The following MAPT variants were observed in gnomAD, a reference collection of about 807,000 sequenced individuals.
The protein encoded by MAPT is microtubule associated protein tau.
Under a neutral mutation model 67.9 loss-of-function variants are expected in MAPT, and 34 were observed. That is an observed-to-expected ratio of 0.50 (90% CI 0.38 to 0.67). The LOEUF (loss-of-function observed/expected upper bound fraction) is 0.67. Ranked by LOEUF, MAPT falls within the 30% of genes least tolerant of loss-of-function variation. MAPT has a pLI of 0.00. For synonymous variants in MAPT, 456 were observed against 464.5 expected (o/e 0.98, Z 0.23); for missense variants, 881 against 1,115.2 (o/e 0.79, Z 2.99).
intron 12 of MAPT, among the ~76,000 whole-genome samples, chr17:46,021,475 A>C (rs2076526943): frequency 6.6e-6 from 1 of 152,154 alleles, no homozygotes; most frequent in South Asian, 2.1e-4. Context: ...AGTCTGACTG[A>C]GTGGGTCTGG....
At chr17:45,929,888 A>C (rs191914834) in intron 1 of MAPT, among the ~76,000 whole-genome samples, 1 of 152,272 alleles carries the variant, frequency 6.6e-6, no homozygotes, top group East Asian at 1.9e-4. Flanking sequence ...CTGTTAGTGG[A>C]TCCCTGAAGT....
Position 45,983,505 on chromosome 17 carries a change from C to T in MAPT, c.926C>T (p.Pro309Leu). Residue 309 changes from proline to leucine, a missense_variant, in exon 5 of 13, where the codon CCC (proline) becomes CTC (leucine). By Grantham distance (98) the Pro-to-Leu change is moderately conservative (BLOSUM62 -3). Around this residue, in one of 6 missense-constraint regions of MAPT, gnomAD observed 687 missense variants for 766.1 expected, o/e 0.90. Coordinates refer to ENST00000262410, the MANE Select transcript of MAPT (RefSeq NM_001377265.1). ...VDESSPQDSP[P>L]SKASPAQDGR... is the part of the protein sequence containing the mutation. The stretch of plus-strand genomic sequence containing the variant: ...GAGTCCTCCCCCCAAGACTCCCCTC[C>T]CTCCAAGGCCTCCCCAGCCCAAGAT... The T allele has an allele frequency of 1.9e-6, 3 of 1,612,460 alleles. No homozygotes were observed. Among genetic ancestry groups the T allele is most frequent in the Non-Finnish European group, 2.5e-6 (3 of 1,179,610 alleles).
At chr17:45,952,025 G>A (rs1394952871) in intron 1 of MAPT, among the ~76,000 whole-genome samples, 4 of 152,234 alleles carry the variant, frequency 2.6e-5, no homozygotes, top group African/African-American at 9.6e-5. Context: ...ATCGCTTCTC[G>A]GCCTTTTGGC....
intron 10 of MAPT, among the ~76,000 whole-genome samples, chr17:46,013,043 C>A (rs1041216094): frequency 6.6e-6 from 1 of 152,204 alleles, no homozygotes; most frequent in Non-Finnish European, 1.5e-5. Context: ...CAAAATAATT[C>A]GGGATGGTTC....
intron 1 of MAPT, among the ~76,000 whole-genome samples, chr17:45,899,410 G>T (rs1414722549): frequency 1.3e-5 from 2 of 152,200 alleles, no homozygotes; most frequent in African/African-American, 4.8e-5. Context: ...CTAAGTGCTT[G>T]CTAAGATTAT....
chr17:45,992,782 T>C (rs894223787), intron 8 of MAPT, among the ~76,000 whole-genome samples: 1 of 151,422 alleles, frequency 6.6e-6, no homozygotes, highest in Non-Finnish European at 1.5e-5. Flanking sequence ...TCCCAGCTTC[T>C]CAGGAGGGTG....
At chr17:45,931,595 C>T (rs10221276) in intron 1 of MAPT, among the ~76,000 whole-genome samples, 2,005 of 152,188 alleles carry the variant, frequency 0.013, 44 homozygotes, top group African/African-American at 0.046. Flanking sequence ...TGTATTGTAC[C>T]ATTGATGTAC....
intron 1 of MAPT, among the ~76,000 whole-genome samples, chr17:45,952,749 C>T (rs17650579): frequency 0.14 from 21,814 of 152,088 alleles, 2,131 homozygotes; most frequent in Non-Finnish European, 0.22. Flanking sequence ...ATGGTTTGGG[C>T]GGCAAAGAAC....
chr17:45,950,308 C>T lies in MAPT; in HGVS notation c.-17-12013C>T, dbSNP rs561530168. On this transcript the variant is annotated intron_variant, in intron 1 of 12. Coordinates refer to ENST00000262410, the MANE Select transcript of MAPT (RefSeq NM_001377265.1). ...GGTGGGCGAGATGCCTGGGGTTTCT[C>T]GTCCACCCCACAACACCTCAGGGGA... Among the ~76,000 whole-genome samples, 8 of 152,290 alleles carry T rather than the reference C, an allele frequency of 5.3e-5. No individual in the cohort carries two copies. In the South Asian group the frequency reaches 1.7e-3, roughly 32 times the overall value.
chr17:45,929,295 G>A (rs971924800), intron 1 of MAPT, among the ~76,000 whole-genome samples: 1 of 152,218 alleles, frequency 6.6e-6, no homozygotes, highest in African/African-American at 2.4e-5. Context: ...CATTACACAG[G>A]CAAGGAAAAG....
intron 12 of MAPT, among the ~76,000 whole-genome samples, chr17:46,019,784 G>A (rs1458778903): frequency 1.3e-5 from 2 of 151,456 alleles, no homozygotes; most frequent in East Asian, 4.0e-4. Flanking sequence ...GGCGAAGGTG[G>A]GCAGATGGCT....
intron 1 of MAPT, among the ~76,000 whole-genome samples, chr17:45,903,918 TTTA>T (rs1157072529): frequency 0.11 from 3,108 of 29,150 alleles, 476 homozygotes; most frequent in African/African-American, 0.16. Flanking sequence ...ATATTATATA[TTTA>T]TATATATTAT....
chr17:45,989,467 A>G (rs573435087), intron 6 of MAPT, among the ~76,000 whole-genome samples: 1 of 151,832 alleles, frequency 6.6e-6, no homozygotes, highest in Non-Finnish European at 1.5e-5. Flanking sequence ...TGGCTAACAC[A>G]GTGAAACCCC....
intron 9 of MAPT, among the ~76,000 whole-genome samples, chr17:46,001,526 G>A (rs62064661): frequency 0.14 from 22,057 of 152,230 alleles, 2,140 homozygotes; most frequent in Non-Finnish European, 0.22. Context: ...GGCTGGGCGC[G>A]GTGGCGCATG....
chr17:45,989,906 TG>T lies in MAPT; in HGVS notation c.1437del (p.Asn481IlefsTer18). Reference sequence around the variant, plus strand: ...TCCACACGTTCCTCTGCTAAAACCTTGAAAAATAGGCCTTGCCTTAGCCCCA... The same window carrying T: ...TCCACACGTTCCTCTGCTAAAACCTTAAAAATAGGCCTTGCCTTAGCCCCA... ...KTSTRSSAKT[L>X]KNRPCLSPKH... is the part of the protein sequence containing the mutation. On this transcript the variant is annotated frameshift_variant, in exon 7 of 13. Coordinates refer to ENST00000262410, the MANE Select transcript of MAPT (RefSeq NM_001377265.1). LOFTEE classifies it high-confidence loss of function. 6.2e-7 allele frequency: 1 copy of T among 1,614,206 alleles called. No individual in the cohort carries two copies. The highest frequency in any genetic ancestry group is 2.2e-5 in the East Asian group (1 of 44,876).
intron 9 of MAPT, among the ~76,000 whole-genome samples, chr17:46,002,076 A>C (rs1568314026): frequency 6.6e-6 from 1 of 152,224 alleles, no homozygotes; most frequent in Non-Finnish European, 1.5e-5. Context: ...CTGGGGCAGC[A>C]GAGGGTGTGT....
intron 2 of MAPT, among the ~76,000 whole-genome samples, chr17:45,968,852 C>T (rs902383780): frequency 1.3e-5 from 2 of 152,206 alleles, no homozygotes; most frequent in Non-Finnish European, 2.9e-5. Flanking sequence ...ATCTGCCAGG[C>T]ATGGTACAAA....
Position 45,996,417 on chromosome 17 carries a change from G to T in MAPT, c.1751G>T (p.Gly584Val). Residue 584 changes from glycine (G) to valine (V), a missense_variant, in exon 9 of 13, where the codon GGG becomes GTG. By Grantham distance (109) the Gly-to-Val change is moderately radical (BLOSUM62 -3). This residue lies in a region of MAPT where 33 missense variants were observed against 76.0 expected (regional missense o/e 0.43). Coordinates refer to ENST00000262410, the MANE Select transcript of MAPT (RefSeq NM_001377265.1). This position sits in a 1 kb window ranked among gnomAD's most constrained non-coding sequence, Gnocchi z 4.5. The stretch of plus-strand genomic sequence containing the variant: ...TTCCCAGGTGAACCTCCAAAATCAG[G>T]GGATCGCAGCGGCTACAGCAGCCCC... Reference protein sequence around the residue: ...PPSSGEPPKSGDRSGYSSPGS... With the variant: ...PPSSGEPPKSVDRSGYSSPGS... 2 of 1,612,652 alleles carry T rather than the reference G, an allele frequency of 1.2e-6. No individual in the cohort carries two copies. The highest frequency in any genetic ancestry group is 1.7e-5 in the Admixed American group (1 of 60,022).
intron 6 of MAPT, among the ~76,000 whole-genome samples, chr17:45,987,697 C>T (rs140449293): frequency 2.6e-5 from 4 of 152,334 alleles, no homozygotes; most frequent in East Asian, 1.9e-4. Flanking sequence ...TACTGGAGCC[C>T]GGAGGGCATC....
Sources: allele counts gnomAD v4.1 joint callset (sites outside exome capture counted in the v4.1 genomes callset), GRCh38; gene constraint gnomAD v4.1.1; regional missense constraint gnomAD v4.1.1; non-coding constraint Gnocchi (gnomAD v3.1); transcripts MANE v1.5; gene names NCBI Gene and HGNC (gene_info 2026-07-23, HGNC 2026-07-21).